PRSS58: variants seen among roughly 807,000 people sequenced by gnomAD.
The protein encoded by PRSS58 is protease, serine 58.
In PRSS58, 31 loss-of-function variants were observed where a neutral mutation model predicts 25.0. The ratio of observed to expected loss-of-function variants is 1.24; its 90% CI spans 0.93 to 1.67. The LOEUF (loss-of-function observed/expected upper bound fraction) is 1.67. PRSS58 is among the 40% of genes most tolerant of loss of function. The pLI is 0.00. For synonymous variants in PRSS58, 119 were observed against 106.1 expected, an observed-to-expected ratio of 1.12 and a Z score of -0.75; for missense variants, 324 against 287.9, an observed-to-expected ratio of 1.13 and a Z score of -0.91.
At position 142,252,460 on chromosome 7, in the gene PRSS58, A is replaced by G. The variant is rs748494546; in HGVS notation, c.576+12T>C. On this transcript the variant is annotated intron_variant, in intron 5 of 5. Coordinates refer to ENST00000547058, the MANE Select transcript of PRSS58 (RefSeq NM_001001317.5). ...AGAAAATGGGAAAATTAATGGATGA[A>G]GAGTATTTTACCTTGCAGGGCTGCC... The G allele has an allele frequency of 3.1e-6, 5 of 1,612,394 alleles. No homozygotes were observed. Among genetic ancestry groups the G allele is most frequent in the Middle Eastern group, 3.3e-4 (2 of 6,076 alleles).
At position 142,252,349 on chromosome 7, in the gene PRSS58, T is replaced by C. The variant is rs748547499; in HGVS notation, c.598A>G (p.Ile200Val). 1.2e-6 allele frequency: 2 copies of C among 1,613,796 alleles called. No individual in the cohort carries two copies. Among genetic ancestry groups the C allele is most frequent in the East Asian group, 4.5e-5 (2 of 44,884 alleles). ...ATTCCTTGAAGCATCCCATTGCAGA[T>C]TGCCGGGGCAGCAGAAACTTCCTGC... ...PCKEVSAAPA[I>V]CNGMLQGILS... is the part of the protein sequence containing the mutation. The change falls in exon 6 of 6, where the codon ATC becomes GTC. Residue 200 changes from isoleucine (I) to valine (V), a missense_variant. By Grantham distance (29) the Ile-to-Val change is conservative. Coordinates refer to ENST00000547058, the MANE Select transcript of PRSS58 (RefSeq NM_001001317.5).
intron 4 of PRSS58, 109 bp downstream of exon 4, chr7:142,254,946 G>T: frequency 9.0e-7 from 1 of 1,110,778 alleles, no homozygotes; most frequent in Non-Finnish European, 1.3e-6. Context: ...AAGGAAAGGG[G>T]GGAAAGAGGT....
At chr7:142,254,071 C>A (rs559611466) in intron 4 of PRSS58, among the ~76,000 whole-genome samples, 1 of 152,088 alleles carries the variant, frequency 6.6e-6, no homozygotes, top group African/African-American at 2.4e-5. Context: ...TGAATGTAAT[C>A]TGACAGGTTT....
chr7:142,252,550 G>C lies in PRSS58; in HGVS notation c.498C>G (p.Arg166=). ...TGATGTTGTAGGTTTTATAGGCATCGCGACACTGAGGCTTGGAGATTACAG... is the reference window on the plus strand; with the variant it reads ...TGATGTTGTAGGTTTTATAGGCATCCCGACACTGAGGCTTGGAGATTACAG... ...NISVISKPQC[R]DAYKTYNITE... is the part of the protein sequence containing the mutation. Residue 166 remains arginine, a synonymous_variant, in exon 5 of 6, where the codon CGC becomes CGG. Transcript: ENST00000547058. 6.2e-7 allele frequency: 1 copy of C among 1,614,172 alleles called. No homozygotes were observed.
intron 4 of PRSS58, 127 bp from the exon 5 acceptor site, chr7:142,252,738 G>A: frequency 1.0e-6 from 1 of 993,482 alleles, no homozygotes; most frequent in Non-Finnish European, 1.5e-6. Context: ...AGTCAGAACT[G>A]TGGCAGTTAG....
At chr7:142,252,395 C>A (rs1268456131) in intron 5 of PRSS58, 25 bp from the exon 6 acceptor site, 4 of 1,608,964 alleles carry the variant, frequency 2.5e-6, no homozygotes, top group Admixed American at 1.7e-5. Flanking sequence ...ATAATAACAA[C>A]AACAAAAAAG....
In PRSS58 at chr7:142,255,048, A is replaced by G. The variant is rs1253854892; in HGVS notation, c.436+7T>C. ...ATTCTGAGAGAAGAACATTGTCTTG[A>G]ACTCACAGATATCACACACATTGTA... On this transcript the variant is annotated splice_region_variant and intron_variant, in intron 4 of 5. Transcript: ENST00000547058. 1.9e-6 allele frequency: 3 copies of G among 1,613,296 alleles called. No homozygotes were observed. The highest frequency in any genetic ancestry group is 2.5e-6 in the Non-Finnish European group (3 of 1,179,584).
rs1484593046 is a variant in PRSS58, at chr7:142,257,662, A to C, written c.40+6T>G. The stretch of plus-strand genomic sequence containing the variant: ...TGGGTAAAGAGACAAATATGCACAC[A>C]CTCACCAGTCAGATTCAAGAGAGCC... On this transcript the variant is annotated splice_donor_region_variant and intron_variant, in intron 2 of 5. Coordinates refer to ENST00000547058, the MANE Select transcript of PRSS58 (RefSeq NM_001001317.5). The C allele has an allele frequency of 6.2e-7, 1 of 1,611,190 alleles. No homozygotes were observed. Among genetic ancestry groups the C allele is most frequent in the East Asian group, 2.2e-5 (1 of 44,856 alleles).
chr7:142,255,760 G>T, intron 2 of PRSS58, 87 bp from the exon 3 acceptor site: 2 of 1,228,002 alleles, frequency 1.6e-6, no homozygotes, highest in Non-Finnish European at 2.3e-6. Context: ...TAGGCTCCAA[G>T]TTCCCCTATC....
intron 2 of PRSS58, 33 bp from the exon 3 acceptor site, chr7:142,255,706 G>C: frequency 6.4e-7 from 1 of 1,558,470 alleles, no homozygotes; most frequent in Non-Finnish European, 8.7e-7. Context: ...GAAATTCCAA[G>C]ATTTCTCAGT....
At chr7:142,253,531 T>G (rs1402329371) in intron 4 of PRSS58, among the ~76,000 whole-genome samples, 1 of 152,220 alleles carries the variant, frequency 6.6e-6, no homozygotes, top group Non-Finnish European at 1.5e-5. Flanking sequence ...TGAACACATG[T>G]GGCACGTGTT....
intron 4 of PRSS58, among the ~76,000 whole-genome samples, chr7:142,254,435 C>T (rs937001662): frequency 2.6e-5 from 4 of 152,054 alleles, no homozygotes; most frequent in African/African-American, 9.7e-5. Context: ...TCAGGAGTTT[C>T]AAATTATGTA....
At chr7:142,253,441 C>A (rs1365076204) in intron 4 of PRSS58, among the ~76,000 whole-genome samples, 2 of 152,128 alleles carry the variant, frequency 1.3e-5, no homozygotes, top group Non-Finnish European at 1.5e-5. Context: ...TATCAATAGT[C>A]CACAAATACT....
chr7:142,254,356 T>C (rs958253789), intron 4 of PRSS58, among the ~76,000 whole-genome samples: 1 of 152,128 alleles, frequency 6.6e-6, no homozygotes, highest in Non-Finnish European at 1.5e-5. Flanking sequence ...GAAAGTTGCC[T>C]TAAGTTGTGG....
intron 2 of PRSS58, 71 bp downstream of exon 2, chr7:142,257,597 G>T: frequency 1.5e-6 from 2 of 1,322,540 alleles, no homozygotes; most frequent in Non-Finnish European, 2.2e-6. Flanking sequence ...GCCTCTCGCT[G>T]TTACCCGTCT....
At chr7:142,255,710 T>C (rs1222557657) in intron 2 of PRSS58, 37 bp from the exon 3 acceptor site, 3 of 1,555,590 alleles carry the variant, frequency 1.9e-6, no homozygotes, top group Non-Finnish European at 2.6e-6. Flanking sequence ...TTCCAAGATT[T>C]CTCAGTCATC....
rs1299016170 is a variant in PRSS58 at position 142,255,530 on chromosome 7, C to T, written c.179+5G>A. The T allele has an allele frequency of 6.2e-7, 1 of 1,613,928 alleles. No homozygotes were observed. The highest frequency in any genetic ancestry group is 2.2e-5 in the East Asian group (1 of 44,884). ...ATGGAGTGCCTTTGAAGGCTTATCA[C>T]TCACGGTAAATTGCAGTGTGCAGCT... On this transcript the variant is annotated splice_donor_5th_base_variant and intron_variant, in intron 3 of 5. Transcript: ENST00000547058.
At chr7:142,255,428 G>T in intron 3 of PRSS58, 107 bp downstream of exon 3, 3 of 1,584,174 alleles carry the variant, frequency 1.9e-6, no homozygotes, top group Admixed American at 3.4e-5. Context: ...TCTCCCAAAG[G>T]CTTTTCTAAT....
intron 4 of PRSS58, among the ~76,000 whole-genome samples, chr7:142,253,181 CA>C (rs1798498127): frequency 6.6e-6 from 1 of 151,986 alleles, no homozygotes; most frequent in African/African-American, 2.4e-5. Context: ...GACTCCATCT[CA>C]AAAAAACCCA....
Sources: allele counts gnomAD v4.1 joint callset (sites outside exome capture counted in the v4.1 genomes callset), GRCh38; gene constraint gnomAD v4.1.1; transcripts MANE v1.5; gene names NCBI Gene and HGNC (gene_info 2026-07-23, HGNC 2026-07-21).